PTTG1IP2: variants seen among roughly 807,000 people sequenced by gnomAD.
PTTG1IP2 encodes PTTG1IP family member 2.
intron 5 of PTTG1IP2, among the ~76,000 whole-genome samples, chr7:90,493,782 G>A (rs919118266): frequency 2.6e-5 from 4 of 152,218 alleles, no homozygotes; most frequent in Non-Finnish European, 5.9e-5. Flanking sequence ...GACATCAAGA[G>A]AAAGGGGTCT....
chr7:90,501,059 A>AT (rs751634647), intron 6 of PTTG1IP2, among the ~76,000 whole-genome samples: 10 of 152,276 alleles, frequency 6.6e-5, no homozygotes, highest in Admixed American at 2.6e-4. Context: ...TTTTGAATTG[A>AT]TTTTACCTTG....
intron 6 of PTTG1IP2, among the ~76,000 whole-genome samples, chr7:90,495,914 G>C (rs757557839): frequency 1.3e-5 from 2 of 152,180 alleles, no homozygotes; most frequent in Admixed American, 1.3e-4. Flanking sequence ...GGCATTTATA[G>C]AAACTTTTTA....
intron 6 of PTTG1IP2, among the ~76,000 whole-genome samples, chr7:90,502,984 T>C (rs1798076649): frequency 6.6e-6 from 1 of 152,226 alleles, no homozygotes; most frequent in East Asian, 1.9e-4. Flanking sequence ...TAGCCCTGGA[T>C]GGCATCTTTT....
At chr7:90,475,947 A>C (rs947230347) in intron 1 of PTTG1IP2, among the ~76,000 whole-genome samples, 2 of 152,032 alleles carry the variant, frequency 1.3e-5, no homozygotes, top group Non-Finnish European at 2.9e-5. Context: ...CTCAAAAAAA[A>C]AAAAAAGAAA....
At chr7:90,492,541 G>C (rs1025784133) in intron 5 of PTTG1IP2, among the ~76,000 whole-genome samples, 3 of 152,130 alleles carry the variant, frequency 2.0e-5, no homozygotes, top group African/African-American at 7.2e-5. Flanking sequence ...ATTTCAGCCT[G>C]GGCCACAGAG....
chr7:90,482,879 C>T (rs1797829974), intron 2 of PTTG1IP2, among the ~76,000 whole-genome samples: 1 of 152,152 alleles, frequency 6.6e-6, no homozygotes, highest in Non-Finnish European at 1.5e-5. Context: ...CGTCAAGTTA[C>T]AGCAAGCCCA....
chr7:90,510,132 T>C (rs974649340), intron 6 of PTTG1IP2, among the ~76,000 whole-genome samples: 2 of 152,146 alleles, frequency 1.3e-5, no homozygotes, highest in African/African-American at 2.4e-5. Context: ...GAAAGAGCAC[T>C]GGGATCTGTA....
chr7:90,486,509 T>G (rs552646427), intron 2 of PTTG1IP2, among the ~76,000 whole-genome samples: 1 of 151,648 alleles, frequency 6.6e-6, no homozygotes, highest in African/African-American at 2.4e-5. Context: ...CTTCTGGTTT[T>G]ACCTCCCATA....
intron 6 of PTTG1IP2, among the ~76,000 whole-genome samples, chr7:90,511,892 A>G (rs1170835129): frequency 6.6e-6 from 1 of 152,216 alleles, no homozygotes; most frequent in Non-Finnish European, 1.5e-5. Context: ...GAGCTAACAT[A>G]TTGCTACAGA....
intron 1 of PTTG1IP2, among the ~76,000 whole-genome samples, chr7:90,474,283 G>C (rs1267234877): frequency 6.6e-6 from 1 of 152,184 alleles, no homozygotes; most frequent in East Asian, 1.9e-4. Flanking sequence ...AGGGATGGCT[G>C]TCCTATATGC....
chr7:90,484,424 C>A (rs1348542590), intron 2 of PTTG1IP2, among the ~76,000 whole-genome samples: 1 of 152,070 alleles, frequency 6.6e-6, no homozygotes, highest in Non-Finnish European at 1.5e-5. Flanking sequence ...AAAATGAGTA[C>A]TATAATTTTC....
chr7:90,485,610 G>C (rs1429620635), intron 2 of PTTG1IP2, among the ~76,000 whole-genome samples: 1 of 152,160 alleles, frequency 6.6e-6, no homozygotes, highest in Non-Finnish European at 1.5e-5. Flanking sequence ...TGGCTGGGCA[G>C]TGAGTTGTTG....
chr7:90,478,271 C>T (rs1797775204), intron 1 of PTTG1IP2, among the ~76,000 whole-genome samples: 1 of 152,030 alleles, frequency 6.6e-6, no homozygotes, highest in Non-Finnish European at 1.5e-5. Flanking sequence ...GAACAGTGGC[C>T]AAGTCATGTG....
At chr7:90,489,460 G>A (rs1420931779) in intron 4 of PTTG1IP2, among the ~76,000 whole-genome samples, 1 of 151,576 alleles carries the variant, frequency 6.6e-6, no homozygotes, top group Non-Finnish European at 1.5e-5. Context: ...TTGACTTTGA[G>A]TAATCAATTT....
chr7:90,483,512 C>G (rs1156616667), intron 2 of PTTG1IP2, among the ~76,000 whole-genome samples: 2 of 152,154 alleles, frequency 1.3e-5, no homozygotes, highest in African/African-American at 4.8e-5. Context: ...TGGCTTCCTT[C>G]TGAGTTCAGA....
At chr7:90,492,869 G>T (rs548665765) in intron 5 of PTTG1IP2, among the ~76,000 whole-genome samples, 1 of 151,892 alleles carries the variant, frequency 6.6e-6, no homozygotes, top group Non-Finnish European at 1.5e-5. Context: ...CCTCCTATCC[G>T]CTCTCCTCAA....
chr7:90,500,162 T>C (rs1180656993), intron 6 of PTTG1IP2, among the ~76,000 whole-genome samples: 1 of 151,982 alleles, frequency 6.6e-6, no homozygotes, highest in Non-Finnish European at 1.5e-5. Context: ...TGTGGTGAGC[T>C]AAGATTGTGC....
At chr7:90,497,281 A>C (rs1046068625) in intron 6 of PTTG1IP2, among the ~76,000 whole-genome samples, 1 of 152,096 alleles carries the variant, frequency 6.6e-6, no homozygotes, top group Non-Finnish European at 1.5e-5. Flanking sequence ...AAGAAAAGTT[A>C]AGGCCGGGCG....
At chr7:90,498,782 A>C (rs773211113) in intron 6 of PTTG1IP2, among the ~76,000 whole-genome samples, 1 of 152,180 alleles carries the variant, frequency 6.6e-6, no homozygotes, top group Non-Finnish European at 1.5e-5. Context: ...AGCTATTTTA[A>C]TATCTGGTAA....
Sources: allele counts gnomAD v4.1 joint callset (sites outside exome capture counted in the v4.1 genomes callset), GRCh38; gene constraint gnomAD v4.1.1; transcripts MANE v1.5; gene names NCBI Gene and HGNC (gene_info 2026-07-23, HGNC 2026-07-21).